The following DPP10 variants were observed in gnomAD, a reference collection of about 807,000 sequenced individuals.
DPP10 encodes dipeptidyl peptidase like 10.
DPP10 carries 33 observed loss-of-function variants against 120.9 expected under a neutral mutation model. The ratio of observed to expected loss-of-function variants is 0.27; its 90% CI spans 0.21 to 0.37. The LOEUF (loss-of-function observed/expected upper bound fraction) is 0.37. Among genes scored for constraint, DPP10 ranks in the 10% least tolerant of loss-of-function variants. DPP10 has a pLI of 1.00. For synonymous variants in DPP10, 337 were observed against 326.1 expected (o/e 1.03, Z -0.36); for missense variants, 816 against 942.8 (o/e 0.87, Z 1.76).
chr2:114,925,228 A>C (rs1042685658), intron 1 of DPP10, among the ~76,000 whole-genome samples: 1 of 151,848 alleles, frequency 6.6e-6, no homozygotes, highest in Non-Finnish European at 1.5e-5. Flanking sequence ...AAAAAAAAAA[A>C]AAAATCAGTC....
At chr2:114,789,510 G>A (rs1683064591) in intron 1 of DPP10, among the ~76,000 whole-genome samples, 1 of 152,114 alleles carries the variant, frequency 6.6e-6, no homozygotes, top group Non-Finnish European at 1.5e-5. Context: ...CGGTTTCTGA[G>A]CCAGTAGCAT....
intron 1 of DPP10, among the ~76,000 whole-genome samples, chr2:115,302,218 G>A (rs565991631): frequency 5.7e-4 from 86 of 151,770 alleles, no homozygotes; most frequent in African/African-American, 2.0e-3. Context: ...TCTGCCCCCC[G>A]TCATCCACCA....
At chr2:115,200,638 C>CT (rs2055637760) in intron 1 of DPP10, among the ~76,000 whole-genome samples, 1 of 152,222 alleles carries the variant, frequency 6.6e-6, no homozygotes, top group Non-Finnish European at 1.5e-5. Flanking sequence ...ACCTAATTCT[C>CT]TGTCGATTTC....
intron 1 of DPP10, among the ~76,000 whole-genome samples, chr2:115,127,729 C>T (rs1328442206): frequency 6.6e-6 from 1 of 152,194 alleles, no homozygotes; most frequent in African/African-American, 2.4e-5. Context: ...TTCTACTTTA[C>T]TATACACATT....
intron 1 of DPP10, among the ~76,000 whole-genome samples, chr2:114,695,277 G>A (rs1700004294): frequency 6.6e-6 from 1 of 151,980 alleles, no homozygotes; most frequent in Admixed American, 6.6e-5. Flanking sequence ...TTAATGGAAT[G>A]TGAAATAGAG....
intron 3 of DPP10, among the ~76,000 whole-genome samples, chr2:115,393,119 C>T (rs1418863097): frequency 1.3e-5 from 2 of 151,960 alleles, no homozygotes; most frequent in African/African-American, 2.4e-5. Flanking sequence ...TTGAGACCAG[C>T]CTGGCCAACA....
chr2:114,619,659 A>G (rs1693947670), intron 1 of DPP10, among the ~76,000 whole-genome samples: 1 of 152,012 alleles, frequency 6.6e-6, no homozygotes, highest in Non-Finnish European at 1.5e-5. Flanking sequence ...ATGGCAGCAT[A>G]TCTCACCACT....
At chr2:115,435,691 C>G (rs562195867) in intron 3 of DPP10, among the ~76,000 whole-genome samples, 1 of 151,824 alleles carries the variant, frequency 6.6e-6, no homozygotes, top group African/African-American at 2.4e-5. Context: ...TCTGCAGAAG[C>G]TTTTTGGCTT....
chr2:114,740,902 T>C (rs1024261929), intron 1 of DPP10, among the ~76,000 whole-genome samples: 6 of 152,276 alleles, frequency 3.9e-5, no homozygotes, highest in African/African-American at 1.4e-4. Context: ...CATGATACCA[T>C]AGTTTAGAGT....
chr2:115,658,716 T>C (rs933046941), intron 5 of DPP10, among the ~76,000 whole-genome samples: 1 of 152,172 alleles, frequency 6.6e-6, no homozygotes, highest in Non-Finnish European at 1.5e-5. Context: ...CAAATAAAAA[T>C]GTCTTTTTAT....
intron 3 of DPP10, among the ~76,000 whole-genome samples, chr2:115,383,016 A>G (rs904271154): frequency 9.2e-5 from 14 of 152,196 alleles, no homozygotes; most frequent in African/African-American, 2.2e-4. Flanking sequence ...TGATTTTTCA[A>G]TTTCTCATTA....
chr2:115,437,360 T>C (rs926146380), intron 3 of DPP10, among the ~76,000 whole-genome samples: 2 of 152,042 alleles, frequency 1.3e-5, no homozygotes, highest in African/African-American at 4.8e-5. Flanking sequence ...TTTCTAACTT[T>C]ATAGAGAGGA....
intron 3 of DPP10, among the ~76,000 whole-genome samples, chr2:115,447,756 A>C (rs1278132729): frequency 6.6e-6 from 1 of 152,188 alleles, no homozygotes; most frequent in Non-Finnish European, 1.5e-5. Context: ...GCCATGCAGA[A>C]CTCTGCGTCA....
At chr2:115,653,239 A>C (rs1257483962) in intron 5 of DPP10, among the ~76,000 whole-genome samples, 1 of 152,040 alleles carries the variant, frequency 6.6e-6, no homozygotes, top group Non-Finnish European at 1.5e-5. Context: ...ATGAGGGCAA[A>C]GAATGTAAAA....
intron 1 of DPP10, among the ~76,000 whole-genome samples, chr2:115,079,682 C>T (rs562674489): frequency 1.3e-5 from 2 of 152,152 alleles, no homozygotes; most frequent in South Asian, 4.2e-4. Flanking sequence ...ACTATACTAC[C>T]CAAGGTCAGT....
rs569477832 is a variant in DPP10, at chr2:115,039,536, C to A, written c.61-269703C>A. Among the ~76,000 whole-genome samples, 18 of 152,090 alleles carry A rather than the reference C, an allele frequency of 1.2e-4. No individual in the cohort carries two copies. The South Asian group carries it at 3.7e-3, about 32-fold the overall frequency. ...TTCTTATACCAGAGGTCAAGACCTT[C>A]CCAGTGGTTTGTTTTTGACCTGGAA... On this transcript the variant is annotated intron_variant, in intron 1 of 25. Transcript: ENST00000410059.
At chr2:114,637,878 G>C (rs755980908) in intron 1 of DPP10, among the ~76,000 whole-genome samples, 1 of 151,766 alleles carries the variant, frequency 6.6e-6, no homozygotes, top group Non-Finnish European at 1.5e-5. Flanking sequence ...TGCTGTTTTG[G>C]TTACTGTAGC....
At chr2:114,814,377 C>G (rs1242885547) in intron 1 of DPP10, among the ~76,000 whole-genome samples, 1 of 151,384 alleles carries the variant, frequency 6.6e-6, no homozygotes, top group Non-Finnish European at 1.5e-5. Context: ...CTCATCTCTT[C>G]ATCTTTCTGG....
At chr2:114,766,915 A>G (rs908464160) in intron 1 of DPP10, among the ~76,000 whole-genome samples, 3 of 151,922 alleles carry the variant, frequency 2.0e-5, no homozygotes, top group Non-Finnish European at 2.9e-5. Flanking sequence ...ACACACACGC[A>G]CACACATACA....
Sources: allele counts gnomAD v4.1 joint callset (sites outside exome capture counted in the v4.1 genomes callset), GRCh38; gene constraint gnomAD v4.1.1; transcripts MANE v1.5; gene names NCBI Gene and HGNC (gene_info 2026-07-23, HGNC 2026-07-21).